The following CPLX1 variants were observed in gnomAD, a reference collection of about 807,000 sequenced individuals.
CPLX1 encodes the protein complexin 1, also known as complexin-1.
CPLX1 carries 6 observed loss-of-function variants against 15.6 expected under a neutral mutation model. The observed-to-expected ratio is 0.39, with a 90% CI of 0.21 to 0.76. The LOEUF is 0.76. Ranked by LOEUF, CPLX1 falls within the 30% of genes least tolerant of loss-of-function variation. The pLI is 0.43. For synonymous variants in CPLX1, 91 were observed against 75.2 expected (o/e 1.21, Z -1.08); for missense variants, 242 against 188.6 (o/e 1.28, Z -1.66).
chr4:791,044 C>T (rs1027874290), intron 3 of CPLX1, among the ~76,000 whole-genome samples: 1 of 152,206 alleles, frequency 6.6e-6, no homozygotes. Context: ...CTCCCCCTTC[C>T]TTCTCCTCCT....
intron 3 of CPLX1, chr4:788,177 T>C (rs1022549892): frequency 4.3e-5 from 42 of 985,104 alleles, no homozygotes; most frequent in Middle Eastern, 1.0e-3. Flanking sequence ...CCCCTCCCCA[T>C]AGAAGCAGTT....
intron 2 of CPLX1, among the ~76,000 whole-genome samples, chr4:819,348 C>T (rs946562419): frequency 1.3e-5 from 2 of 152,204 alleles, no homozygotes; most frequent in African/African-American, 2.4e-5. Context: ...CTGCCCTTCA[C>T]GGTTTCGGGA....
chr4:804,951 G>C, intron 2 of CPLX1: 2 of 984,422 alleles, frequency 2.0e-6, no homozygotes, highest in Non-Finnish European at 2.4e-6. Context: ...AGTTCACCCG[G>C]CGTCCCACTC....
At chr4:800,393 G>A (rs1189256980) in intron 2 of CPLX1, among the ~76,000 whole-genome samples, 3 of 152,090 alleles carry the variant, frequency 2.0e-5, no homozygotes, top group Non-Finnish European at 4.4e-5. Flanking sequence ...CCAGCACTTT[G>A]GGAGGCCAAG....
intron 2 of CPLX1, among the ~76,000 whole-genome samples, chr4:804,355 C>T (rs1485999383): frequency 1.3e-5 from 2 of 152,144 alleles, no homozygotes; most frequent in South Asian, 2.1e-4. Context: ...TCCATACTTC[C>T]GAATTAATAG....
At chr4:798,907 A>G (rs181803617) in intron 2 of CPLX1, among the ~76,000 whole-genome samples, 68 of 152,384 alleles carry the variant, frequency 4.5e-4, no homozygotes, top group African/African-American at 1.6e-3. Context: ...GATTTCTTAT[A>G]TAAGTGACAA....
At chr4:791,786 C>T (rs1422325246) in intron 3 of CPLX1, among the ~76,000 whole-genome samples, 5 of 151,712 alleles carry the variant, frequency 3.3e-5, no homozygotes, top group African/African-American at 7.3e-5. Flanking sequence ...GCCCCTTCTA[C>T]GTGGGATGTG....
At chr4:826,017 G>T (rs1364524693) in intron 1 of CPLX1, 29 bp downstream of exon 1, 1 of 151,272 alleles carries the variant, frequency 6.6e-6, no homozygotes, top group Non-Finnish European at 1.5e-5. Context: ...GCGGAGGCCG[G>T]GCGCGCGCTG....
At chr4:787,730 C>G in intron 3 of CPLX1, 1 of 984,346 alleles carries the variant, frequency 1.0e-6, no homozygotes, top group Non-Finnish European at 1.2e-6. Context: ...TTTGTCAGGC[C>G]CCGGGGTTTT....
chr4:803,532 A>AGGCGTCCGCCAT (rs1560242160), intron 2 of CPLX1, among the ~76,000 whole-genome samples: 1 of 151,588 alleles, frequency 6.6e-6, no homozygotes, highest in African/African-American at 2.4e-5. Flanking sequence ...CTGGGACTGC[A>AGGCGTCCGCCAT]GGCGTCCGCC....
At position 823,697 on chromosome 4, in the gene CPLX1, C is replaced by T. The variant is rs191722084; in HGVS notation, c.31+795G>A. 4.0e-3 allele frequency among the ~76,000 whole-genome samples: 612 copies of T among 152,314 alleles called. 2 individuals are homozygous for T. The highest frequency in any genetic ancestry group is 0.014 in the African/African-American group (587 of 41,566). On this transcript the variant is annotated intron_variant, in intron 2 of 3. Transcript: ENST00000304062. ...GCCTGAGTTGACCCATCAGCTCTGC[C>T]GGGACACGTCTGTACCAGCATGGCC... is the stretch of plus-strand genomic sequence containing the variant.
At position 786,331 on chromosome 4, in the gene CPLX1, G is replaced by A. The variant is rs1191690174; in HGVS notation, c.*170C>T. On this transcript the variant is annotated 3_prime_UTR_variant, in exon 4 of 4. Coordinates refer to ENST00000304062, the MANE Select transcript of CPLX1 (RefSeq NM_006651.4). The stretch of plus-strand genomic sequence containing the variant: ...CGGGGCGGACTGGGGGGGTCCTGGG[G>A]GCGCGCGCCCCTTGCCGGGTGAGGG... 1 of 589,154 alleles carries A rather than the reference G, an allele frequency of 1.7e-6. No homozygotes were observed. The highest frequency in any genetic ancestry group is 2.7e-6 in the Non-Finnish European group (1 of 369,770). 36.5% of individuals were successfully genotyped at this position (589,154 alleles called of 1,614,324 possible).
chr4:800,703 A>C (rs1161656579), intron 2 of CPLX1, among the ~76,000 whole-genome samples: 1 of 130,742 alleles, frequency 7.6e-6, no homozygotes. Context: ...CCTGGGCAAA[A>C]TGGGGAAACC....
rs1560237656 is a variant in CPLX1, at chr4:792,447, C to T, written c.193G>A (p.Gly65Ser). ...MEAEREAVRQ[G>S]IRDKYGIKKK... ...CCGGCGCGCACCTTGTCTCGGATGC[C>T]CTGGCGCACGGCCTCGCGCTCCGCC... Residue 65 changes from glycine to serine, a missense_variant, in exon 3 of 4, where the codon GGC becomes AGC. Coordinates refer to ENST00000304062, the MANE Select transcript of CPLX1 (RefSeq NM_006651.4). 1.9e-6 allele frequency: 3 copies of T among 1,596,466 alleles called. No homozygotes were observed. The African/African-American group carries it at 4.0e-5, about 21-fold the overall frequency.
At chr4:815,759 G>C (rs146336316) in intron 2 of CPLX1, among the ~76,000 whole-genome samples, 2 of 152,202 alleles carry the variant, frequency 1.3e-5, no homozygotes, top group African/African-American at 4.8e-5. Context: ...GAGAAGCACC[G>C]TGAGAGGCTG....
intron 1 of CPLX1, 152 bp from the exon 2 acceptor site, chr4:824,753 G>A: frequency 1.4e-6 from 1 of 692,440 alleles, no homozygotes; most frequent in East Asian, 2.7e-5. Flanking sequence ...AGGGGCTTCT[G>A]TCCCCACACC....
At chr4:790,015 C>T (rs554149550) in intron 3 of CPLX1, among the ~76,000 whole-genome samples, 11 of 85,282 alleles carry the variant, frequency 1.3e-4, no homozygotes, top group South Asian at 3.4e-4. Flanking sequence ...CAGGTGGCCA[C>T]GCCTGAGGGC....
In CPLX1 at chr4:792,464, C is replaced by T; in HGVS notation, c.176G>A (p.Arg59His). ...KAKYAKMEAEREAVRQGIRDK... is the reference protein window; with the variant it reads ...KAKYAKMEAEHEAVRQGIRDK... ...TCGGATGCCCTGGCGCACGGCCTCGCGCTCCGCCTCCATCTTGGCGTACTT... is the reference window on the plus strand; with the variant it reads ...TCGGATGCCCTGGCGCACGGCCTCGTGCTCCGCCTCCATCTTGGCGTACTT... Residue 59 changes from arginine to histidine, a missense_variant, in exon 3 of 4, where the codon CGC becomes CAC. Coordinates refer to ENST00000304062, the MANE Select transcript of CPLX1 (RefSeq NM_006651.4). 1 of 1,608,882 alleles carries T rather than the reference C, an allele frequency of 6.2e-7. No homozygotes were observed. Among genetic ancestry groups the T allele is most frequent in the Non-Finnish European group, 8.5e-7 (1 of 1,178,074 alleles).
At chr4:789,507 C>T (rs907199543) in intron 3 of CPLX1, among the ~76,000 whole-genome samples, 2 of 152,196 alleles carry the variant, frequency 1.3e-5, no homozygotes, top group African/African-American at 2.4e-5. Context: ...GTGGGAGCTG[C>T]GGGGGGTAGG....
Sources: allele counts gnomAD v4.1 joint callset (sites outside exome capture counted in the v4.1 genomes callset), GRCh38; gene constraint gnomAD v4.1.1; transcripts MANE v1.5; gene names NCBI Gene and HGNC (gene_info 2026-07-23, HGNC 2026-07-21).